The following GSE1 variants were observed in gnomAD, a reference collection of about 807,000 sequenced individuals.
The protein encoded by GSE1 is Gse1 coiled-coil protein, also known as genetic suppressor element 1.
Under a neutral mutation model 112.6 loss-of-function variants are expected in GSE1, and 32 were observed. The ratio of observed to expected loss-of-function variants is 0.28; its 90% CI spans 0.21 to 0.38. The LOEUF (loss-of-function observed/expected upper bound fraction) is 0.38, where lower values mean the gene tolerates loss of function less well. GSE1 is among the 10% of genes least tolerant of loss of function. GSE1 has a pLI of 1.00. For synonymous variants in GSE1, 1,115 were observed against 735.6 expected (o/e 1.52, Z -8.35); for missense variants, 2,348 against 1,699.2 (o/e 1.38, Z -6.71).
intron 1 of GSE1, among the ~76,000 whole-genome samples, chr16:85,240,685 C>T (rs754362016): frequency 3.9e-5 from 6 of 152,170 alleles, no homozygotes; most frequent in Non-Finnish European, 7.4e-5. Flanking sequence ...CGAGGTTCCT[C>T]GGGGCCACTG....
intron 1 of GSE1, among the ~76,000 whole-genome samples, chr16:85,577,606 C>T (rs2046280847): frequency 6.6e-6 from 1 of 152,136 alleles, no homozygotes; most frequent in South Asian, 2.1e-4. Context: ...GAGGGGCTGA[C>T]CCCAGAGAGG....
At chr16:85,414,062 A>G (rs1220643408) in intron 2 of GSE1, among the ~76,000 whole-genome samples, 1 of 152,072 alleles carries the variant, frequency 6.6e-6, no homozygotes, top group Non-Finnish European at 1.5e-5. Context: ...CCTTTCCTTT[A>G]TAAATAACCC....
At position 85,404,645 on chromosome 16, in the gene GSE1, G is replaced by A. The variant is rs188288021; in HGVS notation, c.2464+47002G>A. 5.6e-4 allele frequency among the ~76,000 whole-genome samples: 19 copies of A among 33,810 alleles called. No individual in the cohort carries two copies. In the East Asian group the frequency reaches 7.4e-3, roughly 13 times the overall value. The allele number at this position is 33,810 out of a possible 152,430, so 22.2% of individuals were successfully genotyped here. On this transcript the variant is annotated intron_variant, in intron 2 of 2. Transcript: ENST00000637419. ...CTCAGGGCCCCCCTGGATAATCCTCGCTGTTACTCTCAGGGCCCCCTGGAT... is the reference window on the plus strand; with the variant it reads ...CTCAGGGCCCCCCTGGATAATCCTCACTGTTACTCTCAGGGCCCCCTGGAT...
chr16:85,558,658 T>A (rs1321186935), intron 1 of GSE1, among the ~76,000 whole-genome samples: 1 of 152,138 alleles, frequency 6.6e-6, no homozygotes, highest in East Asian at 1.9e-4. Flanking sequence ...GGGGCACAAG[T>A]AAATCTCAGC....
At chr16:85,245,732 A>T (rs1000441855) in intron 1 of GSE1, among the ~76,000 whole-genome samples, 2 of 152,140 alleles carry the variant, frequency 1.3e-5, no homozygotes, top group East Asian at 3.8e-4. Context: ...GTGTCCTCTG[A>T]TTAGAGGGGG....
chr16:85,266,337 C>G (rs1388292265), intron 1 of GSE1, among the ~76,000 whole-genome samples: 1 of 152,184 alleles, frequency 6.6e-6, no homozygotes, highest in Non-Finnish European at 1.5e-5. Flanking sequence ...AGTGAATTCC[C>G]TCCCTGCTTC....
At chr16:85,220,102 C>T (rs1277755780) in intron 1 of GSE1, among the ~76,000 whole-genome samples, 2 of 152,224 alleles carry the variant, frequency 1.3e-5, no homozygotes, top group African/African-American at 2.4e-5. Context: ...GGGGCCAGCA[C>T]CCCACCCTCG....
chr16:85,594,263 C>T (rs1213778970), intron 1 of GSE1: 1 of 146,516 alleles, frequency 6.8e-6, no homozygotes, highest in East Asian at 2.0e-4. Context: ...GACAGGCGGG[C>T]AGGGGTTGGA....
intron 1 of GSE1, among the ~76,000 whole-genome samples, chr16:85,605,393 G>A (rs1598351745): frequency 6.6e-6 from 1 of 152,028 alleles, no homozygotes; most frequent in Non-Finnish European, 1.5e-5. Flanking sequence ...GTCTGGCGCC[G>A]AGAAGTGCTT....
chr16:85,304,007 A>C (rs561368143), intron 1 of GSE1, among the ~76,000 whole-genome samples: 1 of 152,262 alleles, frequency 6.6e-6, no homozygotes, highest in East Asian at 1.9e-4. Context: ...AGGGCAGGAG[A>C]AGGTTCCAGA....
At chr16:85,239,061 G>A (rs910099551) in intron 1 of GSE1, among the ~76,000 whole-genome samples, 1 of 152,054 alleles carries the variant, frequency 6.6e-6, no homozygotes, top group Non-Finnish European at 1.5e-5. Context: ...CCGAGCAGCT[G>A]GGATTATAGG....
intron 2 of GSE1, among the ~76,000 whole-genome samples, chr16:85,459,199 A>G (rs1223518086): frequency 6.6e-6 from 1 of 152,094 alleles, no homozygotes; most frequent in Non-Finnish European, 1.5e-5. Flanking sequence ...TAGAACAACC[A>G]CCGTGCCAAT....
chr16:85,602,577 C>T (rs1239580643), intron 1 of GSE1, among the ~76,000 whole-genome samples: 1 of 152,048 alleles, frequency 6.6e-6, no homozygotes, highest in Non-Finnish European at 1.5e-5. Context: ...CAGAACCCGG[C>T]CTCCTGGGTG....
intron 1 of GSE1, among the ~76,000 whole-genome samples, chr16:85,631,837 G>A (rs2151729378): frequency 6.6e-6 from 1 of 152,376 alleles, no homozygotes; most frequent in African/African-American, 2.4e-5. Flanking sequence ...CCAGAAGCTG[G>A]GTCTGAGCCA....
At chr16:85,295,599 C>G (rs1285713886) in intron 1 of GSE1, among the ~76,000 whole-genome samples, 1 of 151,938 alleles carries the variant, frequency 6.6e-6, no homozygotes, top group Non-Finnish European at 1.5e-5. Flanking sequence ...GTTGCACTCT[C>G]GATGTCAGGA....
chr16:85,481,664 T>C (rs1017885685), intron 2 of GSE1, among the ~76,000 whole-genome samples: 4 of 152,166 alleles, frequency 2.6e-5, no homozygotes, highest in Non-Finnish European at 5.9e-5. Context: ...GACGAGCAGG[T>C]GGACACAGGG....
upstream of GSE1, chr16:85,613,093 C>G (rs914791452): frequency 4.9e-6 from 4 of 810,802 alleles, no homozygotes; most frequent in Non-Finnish European, 6.9e-6. Flanking sequence ...TCCGGGCGCC[C>G]GTCGGTGCGC....
At chr16:85,496,650 T>C (rs1378974264) in intron 2 of GSE1, among the ~76,000 whole-genome samples, 2 of 152,174 alleles carry the variant, frequency 1.3e-5, no homozygotes, top group Non-Finnish European at 2.9e-5. Flanking sequence ...GACCATGCTG[T>C]CACGACATAT....
intron 1 of GSE1, among the ~76,000 whole-genome samples, chr16:85,264,750 G>A (rs1331312553): frequency 1.3e-5 from 2 of 152,160 alleles, no homozygotes; most frequent in Non-Finnish European, 2.9e-5. Flanking sequence ...TCAGGAAAAC[G>A]ATGTGAAATT....
Sources: gnomAD v4.1 joint callset for allele counts (sites outside exome capture counted in the v4.1 genomes callset) on GRCh38, gnomAD v4.1.1 for gene constraint, MANE v1.5 for transcripts, NCBI Gene and HGNC (gene_info 2026-07-23, HGNC 2026-07-21) for gene names.